ZNF638: variants seen among roughly 807,000 people sequenced by gnomAD.
ZNF638 encodes zinc finger protein 638, also known as CTCL tumor antigen se33-1.
ZNF638 carries 46 observed loss-of-function variants against 195.6 expected under a neutral mutation model. That is an observed-to-expected ratio of 0.24 (90% CI 0.19 to 0.30). The LOEUF (loss-of-function observed/expected upper bound fraction) is 0.30, where lower values mean the gene tolerates loss of function less well. Among genes scored for constraint, ZNF638 ranks in the 10% least tolerant of loss-of-function variants. The pLI is 1.00. For missense variants in ZNF638, 2,440 were observed against 2,325.3 expected, an observed-to-expected ratio of 1.05 and a Z score of -1.01; for synonymous variants, 845 against 772.0, an observed-to-expected ratio of 1.09 and a Z score of -1.57.
chr2:71,353,548 G>C (rs2078976077), intron 2 of ZNF638, among the ~76,000 whole-genome samples: 1 of 152,166 alleles, frequency 6.6e-6, no homozygotes, highest in African/African-American at 2.4e-5. Context: ...AAGTTGGGGT[G>C]GGATGGGTGT....
chr2:71,339,997 C>T (rs759333217), intron 1 of ZNF638, among the ~76,000 whole-genome samples: 8 of 152,090 alleles, frequency 5.3e-5, no homozygotes, highest in Non-Finnish European at 1.0e-4. Context: ...GCCCATTTAT[C>T]AAAAAATCAT....
chr2:71,377,093 T>C (rs2079443559), intron 8 of ZNF638, among the ~76,000 whole-genome samples: 2 of 152,116 alleles, frequency 1.3e-5, no homozygotes, highest in Admixed American at 6.5e-5. Flanking sequence ...GGCAATATAG[T>C]GAGCTCTTAT....
At chr2:71,405,673 C>T in intron 18 of ZNF638, 31 bp downstream of exon 18, 1 of 1,408,294 alleles carries the variant, frequency 7.1e-7, no homozygotes, top group Non-Finnish European at 9.8e-7. Context: ...CTTTTGTATA[C>T]TTATTTAATT....
intron 1 of ZNF638, among the ~76,000 whole-genome samples, chr2:71,336,372 C>CAA (rs66593443): frequency 8.2e-4 from 87 of 105,530 alleles, no homozygotes; most frequent in Non-Finnish European, 6.8e-4. Context: ...ATTCCATCTC[C>CAA]AAAAAAAAAA....
At chr2:71,339,412 A>G (rs1573014785) in intron 1 of ZNF638, among the ~76,000 whole-genome samples, 1 of 152,128 alleles carries the variant, frequency 6.6e-6, no homozygotes, top group Admixed American at 6.5e-5. Context: ...CAGCCTCCCA[A>G]AGTGCTGGGA....
chr2:71,385,286 A>G (rs2079613900), intron 10 of ZNF638, among the ~76,000 whole-genome samples: 1 of 152,180 alleles, frequency 6.6e-6, no homozygotes, highest in Admixed American at 6.5e-5. Flanking sequence ...ACTCTTGGGC[A>G]CTCATCCCAG....
intron 1 of ZNF638, among the ~76,000 whole-genome samples, chr2:71,340,833 AATGT>A: frequency 6.6e-6 from 1 of 152,324 alleles, no homozygotes. Context: ...TGTTTTACTT[AATGT>A]GTGAACTGGA....
At chr2:71,421,907 G>T (rs1222565060) in intron 21 of ZNF638, among the ~76,000 whole-genome samples, 1 of 152,084 alleles carries the variant, frequency 6.6e-6, no homozygotes, top group African/African-American at 2.4e-5. Flanking sequence ...AACTTATTCT[G>T]TGTCTACCTC....
At position 71,426,524 on chromosome 2, in the gene ZNF638, A is replaced by G. The variant is rs868649026; in HGVS notation, c.4655A>G (p.Asn1552Ser). 1 of 1,612,314 alleles carries G rather than the reference A, an allele frequency of 6.2e-7. No individual in the cohort carries two copies. Among genetic ancestry groups the G allele is most frequent in the Non-Finnish European group, 8.5e-7 (1 of 1,179,556 alleles). Reference sequence around the variant, plus strand: ...GTGGATGAGGTTATAGAAGAAGTGAATCCTTCTCAGGCCAAGCAGAATCCA... The same window carrying G: ...GTGGATGAGGTTATAGAAGAAGTGAGTCCTTCTCAGGCCAAGCAGAATCCA... ...VTVDEVIEEV[N>S]PSQAKQNPLK... The change falls in exon 24 of 28, where the codon AAT becomes AGT. Residue 1552 changes from asparagine to serine, a missense_variant. Physicochemically the swap from Asn to Ser is conservative, Grantham distance 46. Around this residue, in one of 5 missense-constraint regions of ZNF638, gnomAD observed 1,883 missense variants for 1,739.1 expected, o/e 1.08. Transcript: ENST00000264447.
Position 71,380,249 on chromosome 2 carries a change from G to T in ZNF638, c.2293G>T (p.Glu765Ter). 6.4e-7 allele frequency: 1 copy of T among 1,567,584 alleles called. No homozygotes were observed. The highest frequency in any genetic ancestry group is 1.2e-5 in the South Asian group (1 of 82,236). The change falls in exon 9 of 28, where the codon GAG becomes TAG. Residue 765 changes from glutamate to a stop codon, truncating the protein, a stop_gained. Coordinates refer to ENST00000264447, the MANE Select transcript of ZNF638 (RefSeq NM_014497.5). LOFTEE classifies it high-confidence loss of function. ...CAAAGAGGTGAAGAAAAAGACTTTAGAGTCAAAGAAAGTATCTGCATCTAC... is the reference window on the plus strand; with the variant it reads ...CAAAGAGGTGAAGAAAAAGACTTTATAGTCAAAGAAAGTATCTGCATCTAC... ...QNKEVKKKTL[E>*]SKKVSASTLK...
At chr2:71,428,304 A>G (rs2080581563) in intron 24 of ZNF638, among the ~76,000 whole-genome samples, 2 of 152,216 alleles carry the variant, frequency 1.3e-5, no homozygotes, top group Non-Finnish European at 2.9e-5. Flanking sequence ...ACATCCTGGG[A>G]AAAGAAGTTA....
Position 71,434,819 on chromosome 2 carries a change from G to A in ZNF638, c.*12G>A, listed in dbSNP as rs1398. The A allele has an allele frequency of 2.2e-3, 3,428 of 1,586,038 alleles. 8 individuals carry two copies. Among genetic ancestry groups the A allele is most frequent in the Non-Finnish European group, 2.6e-3 (3,077 of 1,169,424 alleles). ...GAAGCTCTAGGTGATTGGGGGAAAGGAAAGAATTCACTAGAAATTTGTTTA... is the reference window on the plus strand; with the variant it reads ...GAAGCTCTAGGTGATTGGGGGAAAGAAAAGAATTCACTAGAAATTTGTTTA... On this transcript the variant is annotated 3_prime_UTR_variant, in exon 28 of 28. Coordinates refer to ENST00000264447, the MANE Select transcript of ZNF638 (RefSeq NM_014497.5).
chr2:71,342,585 A>G (rs1337739264), intron 1 of ZNF638, among the ~76,000 whole-genome samples: 1 of 152,200 alleles, frequency 6.6e-6, no homozygotes, highest in Non-Finnish European at 1.5e-5. Flanking sequence ...AGGCATTGGG[A>G]TGATGATGGT....
chr2:71,380,577 C>A lies in ZNF638; in HGVS notation c.2377+12C>A. 6.3e-7 allele frequency: 1 copy of A among 1,594,720 alleles called. No individual in the cohort carries two copies. The highest frequency in any genetic ancestry group is 8.6e-7 in the Non-Finnish European group (1 of 1,169,156). On this transcript the variant is annotated intron_variant, in intron 10 of 27. Coordinates refer to ENST00000264447, the MANE Select transcript of ZNF638 (RefSeq NM_014497.5). Reference sequence around the variant, plus strand: ...TTCAACTTCTGCTGGTAAGTTGTTACTTTTAATATTCTTTCAAATGAGTGT... The same window carrying A: ...TTCAACTTCTGCTGGTAAGTTGTTAATTTTAATATTCTTTCAAATGAGTGT...
At chr2:71,335,395 C>A (rs989645417) in intron 1 of ZNF638, among the ~76,000 whole-genome samples, 1 of 152,032 alleles carries the variant, frequency 6.6e-6, no homozygotes, top group Non-Finnish European at 1.5e-5. Context: ...TTTTTTAATT[C>A]TTTTGAACCA....
chr2:71,356,079 A>G (rs2079017913), intron 3 of ZNF638, among the ~76,000 whole-genome samples: 1 of 152,220 alleles, frequency 6.6e-6, no homozygotes, highest in Admixed American at 6.5e-5. Flanking sequence ...CAGAGCAGGT[A>G]TCCTTTCTTC....
intron 20 of ZNF638, among the ~76,000 whole-genome samples, chr2:71,417,583 C>A (rs549886816): frequency 6.6e-6 from 1 of 151,122 alleles, no homozygotes; most frequent in Admixed American, 6.6e-5. Flanking sequence ...TTTGTTTTTC[C>A]GTTATTCCTT....
At chr2:71,343,730 G>A (rs547626165) in intron 1 of ZNF638, among the ~76,000 whole-genome samples, 1 of 152,266 alleles carries the variant, frequency 6.6e-6, no homozygotes, top group South Asian at 2.1e-4. Context: ...TTGACAAGTA[G>A]ATGACAGACT....
At chr2:71,380,014 A>ATCATTTT (rs2079507761) in intron 8 of ZNF638, 4 of 380,016 alleles carry the variant, frequency 1.1e-5, no homozygotes, top group Non-Finnish European at 9.6e-6. Context: ...AAACTGCTGT[A>ATCATTTT]GTTAATGATA....
Sources: gnomAD v4.1 joint callset for allele counts (sites outside exome capture counted in the v4.1 genomes callset) on GRCh38, gnomAD v4.1.1 for gene constraint, gnomAD v4.1.1 regional missense constraint, MANE v1.5 for transcripts, NCBI Gene and HGNC (gene_info 2026-07-23, HGNC 2026-07-21) for gene names.